Variants in PDCD7 observed in about 807,000 individuals in gnomAD.
PDCD7 encodes programmed cell death protein 7.
Under a neutral mutation model 42.1 loss-of-function variants are expected in PDCD7, and 40 were observed. That is an observed-to-expected ratio of 0.95 (90% confidence interval 0.74 to 1.24). The LOEUF is 1.24. Ranked by LOEUF, PDCD7 falls within the 50% of genes most tolerant of loss-of-function variation. The pLI is 0.00. For missense variants in PDCD7, 644 were observed against 662.8 expected, an observed-to-expected ratio of 0.97 and a Z score of 0.31; for synonymous variants, 299 against 303.3, an observed-to-expected ratio of 0.99 and a Z score of 0.15.
chr15:65,132,905 C>T lies in PDCD7; in HGVS notation c.870+7G>A, dbSNP rs577997318. 1.2e-6 allele frequency: 2 copies of T among 1,602,376 alleles called. No individual in the cohort carries two copies. The highest frequency in any genetic ancestry group is 1.1e-5 in the South Asian group (1 of 91,060). The stretch of plus-strand genomic sequence containing the variant: ...CTCCTACCCCCATGAGCGGCCGCTG[C>T]TCTCACCCGCTTCTTCTCCTCCACC... On this transcript the variant is annotated splice_region_variant and intron_variant, in intron 1 of 4. Coordinates refer to ENST00000204549, the MANE Select transcript of PDCD7 (RefSeq NM_005707.2).
At chr15:65,129,586 G>A (rs185112866) in intron 1 of PDCD7, among the ~76,000 whole-genome samples, 7 of 152,314 alleles carry the variant, frequency 4.6e-5, no homozygotes, top group African/African-American at 1.7e-4. Flanking sequence ...CTCTACAAAG[G>A]TCTCTTAGTG....
Position 65,133,320 on chromosome 15 carries a change from C to G in PDCD7, c.462G>C (p.Pro154=). ...GGGGCACCGGACAGCCTGCCCGCCG[C>G]GGGGTCCCGAACACCGCCTCCAGCC... ...RQWLEAVFGT[P]RRAGCPVPQR... The change falls in exon 1 of 5, where the codon CCG becomes CCC. Residue 154 remains proline (P), a synonymous_variant. Coordinates refer to ENST00000204549, the MANE Select transcript of PDCD7 (RefSeq NM_005707.2). 1.5e-6 allele frequency: 2 copies of G among 1,292,638 alleles called. No individual in the cohort carries two copies. The highest frequency in any genetic ancestry group is 2.0e-6 in the Non-Finnish European group (2 of 1,023,092). 80.1% of individuals were successfully genotyped at this position (1,292,638 alleles called of 1,614,324 possible).
At chr15:65,125,801 C>T (rs926469345) in intron 2 of PDCD7, among the ~76,000 whole-genome samples, 3 of 152,162 alleles carry the variant, frequency 2.0e-5, no homozygotes, top group African/African-American at 7.2e-5. Context: ...TATTCTCACG[C>T]TGCCAATAAA....
At chr15:65,129,730 G>A (rs1160231857) in intron 1 of PDCD7, among the ~76,000 whole-genome samples, 1 of 151,966 alleles carries the variant, frequency 6.6e-6, no homozygotes, top group Non-Finnish European at 1.5e-5. Context: ...AGTTCCTCAA[G>A]CCACTCCTCA....
At chr15:65,119,578 T>C in intron 3 of PDCD7, 115 bp from the exon 4 acceptor site, 1 of 1,222,788 alleles carries the variant, frequency 8.2e-7, no homozygotes, top group Non-Finnish European at 1.2e-6. Flanking sequence ...GTTCTATCTG[T>C]ATCCATGAGT....
chr15:65,132,946 AC>A lies in PDCD7; in HGVS notation c.835del (p.Val279Ter). 1.2e-6 allele frequency: 2 copies of A among 1,605,226 alleles called. No homozygotes were observed. Among genetic ancestry groups the A allele is most frequent in the Non-Finnish European group, 8.5e-7 (1 of 1,179,660 alleles). Reference protein sequence around the residue: ...EREQEIDRWRVKCVQEVEEKK... With the variant: ...EREQEIDRWRXKCVQEVEEKK... ...CTCCTCCACCTCCTGCACACACTTC[AC>A]CCTCCAGCGGTCAATCTCCTGCTCG... On this transcript the variant is annotated frameshift_variant, in exon 1 of 5. Coordinates refer to ENST00000204549, the MANE Select transcript of PDCD7 (RefSeq NM_005707.2). LOFTEE classifies it high-confidence loss of function.
At chr15:65,122,337 CA>C (rs1208764587) in intron 2 of PDCD7, among the ~76,000 whole-genome samples, 2 of 148,952 alleles carry the variant, frequency 1.3e-5, no homozygotes, top group African/African-American at 5.0e-5. Context: ...CTCTTATCTC[CA>C]AAAAAATAAA....
intron 2 of PDCD7, among the ~76,000 whole-genome samples, chr15:65,120,901 C>T (rs1339060859): frequency 6.6e-6 from 1 of 152,080 alleles, no homozygotes; most frequent in Non-Finnish European, 1.5e-5. Context: ...AAAGTCCTAG[C>T]TATAGTATGT....
At position 65,119,256 on chromosome 15, in the gene PDCD7, TAA is replaced by T. The variant is rs2087431892; in HGVS notation, c.1334+118_1334+119del. The T allele has an allele frequency of 4.7e-6, 3 of 641,348 alleles. No individual in the cohort carries two copies. In the African/African-American group the frequency reaches 5.5e-5, roughly 12 times the overall value. 39.7% of individuals were successfully genotyped at this position (641,348 alleles called of 1,614,324 possible). A position where few individuals can be genotyped will look rare whatever the true frequency, so the allele number is the denominator to read the frequency against. On this transcript the variant is annotated intron_variant, in intron 4 of 4. Coordinates refer to ENST00000204549, the MANE Select transcript of PDCD7 (RefSeq NM_005707.2). The stretch of plus-strand genomic sequence containing the variant: ...AACATTATAAACCCATAGTTTTTTT[TAA>T]GTTCCTTATGGAACTTAAAAAAAAA...
intron 1 of PDCD7, among the ~76,000 whole-genome samples, chr15:65,129,919 T>A: frequency 1.4e-5 from 2 of 142,682 alleles, no homozygotes; most frequent in East Asian, 2.0e-4. Flanking sequence ...CTTTGTATTT[T>A]TTTTTTTTTT....
At chr15:65,124,237 C>T (rs549531048) in intron 2 of PDCD7, among the ~76,000 whole-genome samples, 5 of 151,972 alleles carry the variant, frequency 3.3e-5, no homozygotes, top group South Asian at 2.1e-4. Flanking sequence ...GCCTGACCAA[C>T]GTGGTGAAAC....
At position 65,119,966 on chromosome 15, in the gene PDCD7, G is replaced by C. The variant is rs1181803995; in HGVS notation, c.1010-12C>G. 2.5e-6 allele frequency: 4 copies of C among 1,586,570 alleles called. No homozygotes were observed. Among genetic ancestry groups the C allele is most frequent in the Non-Finnish European group, 3.4e-6 (4 of 1,172,122 alleles). On this transcript the variant is annotated splice_polypyrimidine_tract_variant and intron_variant, in intron 2 of 4. Coordinates refer to ENST00000204549, the MANE Select transcript of PDCD7 (RefSeq NM_005707.2). ...TGGAGGACAGACCCCTGGGCAGACA[G>C]GACAAAATGGCATTTTATTTATTTT...
chr15:65,118,614 G>T lies in PDCD7; in HGVS notation c.*103C>A. 1 of 1,234,146 alleles carries T rather than the reference G, an allele frequency of 8.1e-7. No individual in the cohort carries two copies. The highest frequency in any genetic ancestry group is 1.1e-6 in the Non-Finnish European group (1 of 906,132). 76.4% of individuals were successfully genotyped at this position (1,234,146 alleles called of 1,614,324 possible). ...CTTCAGGGTAGGGGAATGCCACATG[G>T]AATTTAGAAGTTGCAGTTTAGTCTA... On this transcript the variant is annotated 3_prime_UTR_variant, in exon 5 of 5. Coordinates refer to ENST00000204549, the MANE Select transcript of PDCD7 (RefSeq NM_005707.2).
rs769969040 is a variant in PDCD7, at chr15:65,129,143, C to G, written c.898G>C (p.Gly300Arg). 6.2e-7 allele frequency: 1 copy of G among 1,613,942 alleles called. No individual in the cohort carries two copies. Residue 300 changes from glycine to arginine, a missense_variant, in exon 2 of 5, where the codon GGC becomes CGC. Physicochemically the swap from Gly to Arg is moderately radical, Grantham distance 125. Transcript: ENST00000204549. ...TTTTTCCTCACTTCAGATAGTACGC[C>G]ATCAGCGGCTGCTTTGAGTTCCTGC... ...REQELKAAAD[G>R]VLSEVRKKQA... is the part of the protein sequence containing the mutation.
chr15:65,123,226 T>C (rs921258489), intron 2 of PDCD7, among the ~76,000 whole-genome samples: 1 of 152,232 alleles, frequency 6.6e-6, no homozygotes, highest in African/African-American at 2.4e-5. Context: ...TCTCGCTCTG[T>C]CACCAGGCTG....
intron 1 of PDCD7, 124 bp downstream of exon 1, chr15:65,132,788 G>C (rs971478027): frequency 6.2e-5 from 87 of 1,405,722 alleles, no homozygotes; most frequent in Non-Finnish European, 8.2e-5. Context: ...GGGAAGGTTA[G>C]CTATCGCTTC....
rs2087517304 is a variant in PDCD7, at chr15:65,128,932, T to G, written c.1009+100A>C. ...CAGTTACCCGACAAGGTGAAAATCA[T>G]GAAGTTTCAAGTATTTTTCCCTCAA... On this transcript the variant is annotated intron_variant, in intron 2 of 4. Transcript: ENST00000204549. 4 of 1,367,986 alleles carry G rather than the reference T, an allele frequency of 2.9e-6. No homozygotes were observed. The South Asian group carries it at 5.3e-5, about 18-fold the overall frequency. The allele number at this position is 1,367,986 out of a possible 1,614,324, so 84.7% of individuals were successfully genotyped here.
chr15:65,128,130 A>G (rs2087510937), intron 2 of PDCD7, among the ~76,000 whole-genome samples: 1 of 152,262 alleles, frequency 6.6e-6, no homozygotes, highest in African/African-American at 2.4e-5. Context: ...TACATTTTAA[A>G]CAACACATGG....
At position 65,129,113 on chromosome 15, in the gene PDCD7, CT is replaced by C. The variant is rs1467252545; in HGVS notation, c.927del (p.Ala310GlnfsTer16). 1.9e-6 allele frequency: 3 copies of C among 1,614,006 alleles called. No homozygotes were observed. The highest frequency in any genetic ancestry group is 2.5e-6 in the Non-Finnish European group (3 of 1,179,904). Reference protein sequence around the residue: ...DGVLSEVRKKQADTKRMVDIL... With the variant: ...DGVLSEVRKKXADTKRMVDIL... ...ATGTCCACCATTCTTTTGGTATCTG[CT>C]TGTTTTTTCCTCACTTCAGATAGTA... On this transcript the variant is annotated frameshift_variant, in exon 2 of 5. Coordinates refer to ENST00000204549, the MANE Select transcript of PDCD7 (RefSeq NM_005707.2). LOFTEE classifies it high-confidence loss of function.
Sources: gnomAD v4.1 joint callset for allele counts (sites outside exome capture counted in the v4.1 genomes callset) on GRCh38, gnomAD v4.1.1 for gene constraint, MANE v1.5 for transcripts, NCBI Gene and HGNC (gene_info 2026-07-23, HGNC 2026-07-21) for gene names.